The following CRB1 variants were observed in gnomAD, a reference collection of about 807,000 sequenced individuals.
The protein encoded by CRB1 is crumbs cell polarity complex component 1.
CRB1 carries 83 observed loss-of-function variants against 120.0 expected under a neutral mutation model. That is an observed-to-expected ratio of 0.69 (90% CI 0.58 to 0.83). CRB1 has a LOEUF of 0.83. Ranked by LOEUF, CRB1 falls within the 40% of genes least tolerant of loss-of-function variation. The pLI is 0.00. For missense variants in CRB1, 1,699 were observed against 1,687.6 expected, an observed-to-expected ratio of 1.01 and a Z score of -0.12; for synonymous variants, 625 against 612.5, an observed-to-expected ratio of 1.02 and a Z score of -0.30.
intron 11 of CRB1, among the ~76,000 whole-genome samples, chr1:197,457,468 C>T (rs1666334476): frequency 6.6e-6 from 1 of 152,096 alleles, no homozygotes; most frequent in Admixed American, 6.6e-5. Context: ...TACCAATTAG[C>T]TATACTGCAA....
chr1:197,344,524 T>A, intron 3 of CRB1, 48 bp downstream of exon 3: 1 of 1,553,640 alleles, frequency 6.4e-7, no homozygotes, highest in Non-Finnish European at 8.9e-7. Context: ...TCCCTGACCA[T>A]GAACTATTTT....
At chr1:197,235,752 G>C in the CRB1 span, among the ~76,000 whole-genome samples, 1 of 152,172 alleles carries the variant, frequency 6.6e-6, no homozygotes, top group Non-Finnish European at 1.5e-5. Context: ...GCAAGAGTGA[G>C]CTGATATAAG....
the CRB1 span, among the ~76,000 whole-genome samples, chr1:197,247,551 G>A: frequency 0.22 from 33,707 of 152,004 alleles, 4,191 homozygotes; most frequent in Middle Eastern, 0.29. Context: ...TCATTAGTAA[G>A]AAGGTACAGA....
chr1:197,405,794 C>T (rs1464344149), intron 5 of CRB1, among the ~76,000 whole-genome samples: 10 of 151,400 alleles, frequency 6.6e-5, no homozygotes, highest in Non-Finnish European at 7.4e-5. Context: ...GGAGCCCCTC[C>T]GCCCGGTAGC....
chr1:197,270,395 A>G (rs558904733), intron 1 of CRB1, among the ~76,000 whole-genome samples: 4 of 152,312 alleles, frequency 2.6e-5, no homozygotes, highest in African/African-American at 9.6e-5. Flanking sequence ...TAAAATGTGC[A>G]GCCTCTCAAG....
chr1:197,361,016 TGTAA>T (rs759873330), intron 5 of CRB1, among the ~76,000 whole-genome samples: 20 of 152,246 alleles, frequency 1.3e-4, no homozygotes, highest in Admixed American at 1.3e-3. Context: ...TGATTTATCA[TGTAA>T]GTTTCTTATT....
At chr1:197,442,568 G>T in intron 11 of CRB1, 1 of 1,407,476 alleles carries the variant, frequency 7.1e-7, no homozygotes, top group Non-Finnish European at 9.3e-7. Flanking sequence ...CATATCAGAA[G>T]CACTTTGTCT....
At chr1:197,357,141 C>A (rs775563956) in intron 5 of CRB1, 128 bp downstream of exon 5, 9 of 934,082 alleles carry the variant, frequency 9.6e-6, no homozygotes, top group Non-Finnish European at 1.6e-5. Flanking sequence ...TGCAAAGGGT[C>A]CCCCTTGTGG....
In CRB1 at chr1:197,356,771, C is replaced by G. The variant is rs572511121; in HGVS notation, c.989-60C>G. On this transcript the variant is annotated intron_variant, in intron 4 of 11. Coordinates refer to ENST00000367400, the MANE Select transcript of CRB1 (RefSeq NM_201253.3). ...GTATAGCAGTCAACCTCCTTTTAGG[C>G]AAATGCTCTATAATTCAACACCTTT... is the stretch of plus-strand genomic sequence containing the variant. The G allele has an allele frequency of 3.2e-6, 5 of 1,564,170 alleles. No homozygotes were observed. In the African/African-American group the frequency reaches 6.8e-5, roughly 21 times the overall value.
At chr1:197,227,379 C>G in the CRB1 span, among the ~76,000 whole-genome samples, 274 of 149,560 alleles carry the variant, frequency 1.8e-3, 1 homozygote, top group Non-Finnish European at 3.6e-3. Flanking sequence ...TAGTCAAATT[C>G]TTTTTTTCTT....
chr1:197,378,346 T>C (rs920323714), intron 5 of CRB1, among the ~76,000 whole-genome samples: 1 of 152,222 alleles, frequency 6.6e-6, no homozygotes, highest in Non-Finnish European at 1.5e-5. Context: ...CAAGATGGGA[T>C]TACTATTACA....
rs780682072 is a variant in CRB1 at position 197,421,742 on chromosome 1, G to A, written c.1914G>A (p.Ser638=). The part of the protein sequence containing the change: ...LNFYNMPSTP[S]FVGCLQDIKI... Reference sequence around the variant, plus strand: ...TCTATAATATGCCATCCACACCTTCGTTTGTAGGCTGTCTCCAAGACATTA... The same window carrying A: ...TCTATAATATGCCATCCACACCTTCATTTGTAGGCTGTCTCCAAGACATTA... The change falls in exon 6 of 12, where the codon TCG becomes TCA. Residue 638 remains serine, a synonymous_variant. Coordinates refer to ENST00000367400, the MANE Select transcript of CRB1 (RefSeq NM_201253.3). The A allele has an allele frequency of 1.4e-5, 23 of 1,614,104 alleles. No homozygotes were observed. In the Admixed American group the frequency reaches 1.7e-4, roughly 12 times the overall value.
At chr1:197,397,115 A>G (rs930811701) in intron 5 of CRB1, among the ~76,000 whole-genome samples, 5 of 152,180 alleles carry the variant, frequency 3.3e-5, no homozygotes. Context: ...CCAGTTTAAA[A>G]ATATACAAAA....
chr1:197,278,406 A>G (rs1244762750), intron 1 of CRB1, among the ~76,000 whole-genome samples: 2 of 152,130 alleles, frequency 1.3e-5, no homozygotes, highest in East Asian at 3.9e-4. Flanking sequence ...CTTGTTTATA[A>G]AGCCACTTAG....
At chr1:197,207,578 G>T in the CRB1 span, among the ~76,000 whole-genome samples, 1 of 152,158 alleles carries the variant, frequency 6.6e-6, no homozygotes, top group Non-Finnish European at 1.5e-5. Context: ...TTTCTGCTGA[G>T]AAATCTGCTG....
chr1:197,449,983 C>T (rs1490525368), intron 11 of CRB1, among the ~76,000 whole-genome samples: 2 of 152,104 alleles, frequency 1.3e-5, no homozygotes, highest in Admixed American at 1.3e-4. Context: ...AACGTCTCTC[C>T]TAGTTTTAGT....
At chr1:197,345,502 CTTTTTTTT>C (rs972072957) in intron 3 of CRB1, among the ~76,000 whole-genome samples, 3 of 90,612 alleles carry the variant, frequency 3.3e-5, no homozygotes, top group Admixed American at 1.3e-4. Flanking sequence ...AAAATAATGA[CTTTTTTTT>C]TTTTTTTTTT....
chr1:197,266,107 T>C (rs1231630023), upstream of CRB1, among the ~76,000 whole-genome samples: 3 of 152,234 alleles, frequency 2.0e-5, no homozygotes, highest in Non-Finnish European at 4.4e-5. Flanking sequence ...CCTCTATTCC[T>C]ATATACATAT....
intron 4 of CRB1, among the ~76,000 whole-genome samples, chr1:197,351,398 GAAAA>G: frequency 6.9e-6 from 1 of 144,998 alleles, no homozygotes; most frequent in Non-Finnish European, 1.5e-5. Context: ...GAGAAGAAAA[GAAAA>G]GAGAAAAAAA....
Sources: allele counts gnomAD v4.1 joint callset (sites outside exome capture counted in the v4.1 genomes callset), GRCh38; gene constraint gnomAD v4.1.1; transcripts MANE v1.5; gene names NCBI Gene and HGNC (gene_info 2026-07-23, HGNC 2026-07-21).